NCOA6: variants seen among roughly 807,000 people sequenced by gnomAD.
NCOA6 encodes nuclear receptor coactivator 6, also known as NRC RAP250.
NCOA6 carries 49 observed loss-of-function variants against 171.4 expected under a neutral mutation model. The ratio of observed to expected loss-of-function variants is 0.29; its 90% confidence interval spans 0.23 to 0.36. The LOEUF is 0.36. Ranked by LOEUF, NCOA6 falls within the 10% of genes least tolerant of loss-of-function variation. NCOA6 has a pLI of 1.00. For synonymous variants in NCOA6, 910 were observed against 927.5 expected, an observed-to-expected ratio of 0.98 and a Z score of 0.34; for missense variants, 2,248 against 2,554.5, an observed-to-expected ratio of 0.88 and a Z score of 2.59.
At chr20:34,722,066 A>AG (rs1989425431) in intron 14 of NCOA6, among the ~76,000 whole-genome samples, 1 of 143,778 alleles carries the variant, frequency 7.0e-6, no homozygotes, top group South Asian at 2.2e-4. Flanking sequence ...AAAAAAAAAA[A>AG]AAAAAAAAAA....
At chr20:34,796,982 C>G (rs1156620511) in intron 1 of NCOA6, among the ~76,000 whole-genome samples, 1 of 152,130 alleles carries the variant, frequency 6.6e-6, no homozygotes, top group African/African-American at 2.4e-5. Context: ...TAAATAAAAC[C>G]TCTTAAACGC....
intron 8 of NCOA6, among the ~76,000 whole-genome samples, chr20:34,754,320 T>TTTGG (rs2076580928): frequency 6.6e-6 from 1 of 152,254 alleles, no homozygotes; most frequent in Non-Finnish European, 1.5e-5. Context: ...TGCTGGTCTG[T>TTTGG]AAATAAACAA....
intron 4 of NCOA6, 152 bp downstream of exon 4, chr20:34,776,141 A>G: frequency 1.1e-6 from 1 of 938,584 alleles, no homozygotes; most frequent in Non-Finnish European, 1.6e-6. Flanking sequence ...TCTTCATCCT[A>G]AGGTGCTGCA....
chr20:34,791,087 T>C (rs909898999), intron 2 of NCOA6, among the ~76,000 whole-genome samples: 1 of 152,166 alleles, frequency 6.6e-6, no homozygotes, highest in African/African-American at 2.4e-5. Flanking sequence ...GTGACAGACA[T>C]GTTTTGGAAC....
Position 34,749,493 on chromosome 20 carries a change from C to T in NCOA6, c.2702G>A (p.Gly901Glu). Residue 901 changes from glycine to glutamate, a missense_variant, in exon 9 of 15, where the codon GGG (glycine) becomes GAG (glutamate). By Grantham distance (98) the Gly-to-Glu change is moderately conservative. Transcript: ENST00000359003. ...GGTATTATTTTGCTTATTGTTTACC[C>T]CAAAATGGCCTGCAGATATGTCACT... is the stretch of plus-strand genomic sequence containing the variant. ...LQSDISAGHF[G>E]VNNKQNNTNA... The T allele has an allele frequency of 6.2e-7, 1 of 1,614,092 alleles. No individual in the cohort carries two copies. The highest frequency in any genetic ancestry group is 8.5e-7 in the Non-Finnish European group (1 of 1,180,018).
chr20:34,762,401 G>C (rs1316030661), intron 5 of NCOA6, among the ~76,000 whole-genome samples: 1 of 151,976 alleles, frequency 6.6e-6, no homozygotes, highest in Non-Finnish European at 1.5e-5. Flanking sequence ...TTTTATCAGT[G>C]TTCATAATCC....
chr20:34,783,624 T>A (rs1407154612), intron 2 of NCOA6, among the ~76,000 whole-genome samples: 2 of 152,076 alleles, frequency 1.3e-5, no homozygotes, highest in African/African-American at 4.8e-5. Flanking sequence ...TAATACAACA[T>A]TGATTGATTG....
intron 10 of NCOA6, among the ~76,000 whole-genome samples, chr20:34,744,708 C>T (rs1173455259): frequency 6.6e-6 from 1 of 152,138 alleles, no homozygotes; most frequent in African/African-American, 2.4e-5. Context: ...GTAACTTCTT[C>T]ACCTTTATAA....
At chr20:34,717,351 A>G (rs1226183292) in intron 14 of NCOA6, among the ~76,000 whole-genome samples, 1 of 152,152 alleles carries the variant, frequency 6.6e-6, no homozygotes, top group Non-Finnish European at 1.5e-5. Context: ...TCGGGAGGCT[A>G]AGGCAGGAGA....
At chr20:34,755,700 T>C (rs77061315) in intron 7 of NCOA6, among the ~76,000 whole-genome samples, 2,075 of 152,314 alleles carry the variant, frequency 0.014, 44 homozygotes, top group African/African-American at 0.048. Flanking sequence ...CTAAACTCAC[T>C]TAAAAATTTA....
rs2076121944 is a variant in NCOA6, at chr20:34,740,962, T to C, written c.5294A>G (p.Glu1765Gly). Residue 1765 changes from glutamate (E) to glycine (G), a missense_variant, in exon 11 of 15, where the codon GAA (glutamate) becomes GGA (glycine). Physicochemically the swap from Glu to Gly is moderately conservative, Grantham distance 98. This residue lies in a region of NCOA6 where 884 missense variants were observed against 941.9 expected (regional missense o/e 0.94). Coordinates refer to ENST00000359003, the MANE Select transcript of NCOA6 (RefSeq NM_014071.5). ...AGGGCTAGCCTCATCTGGATTCAAT[T>C]CTTTCACTTGCTGCACAGGGGGATG... ...PSHPPVQQVK[E>G]LNPDEASPQV... is the part of the protein sequence containing the mutation. 10 of 1,614,176 alleles carry C rather than the reference T, an allele frequency of 6.2e-6. No homozygotes were observed. Among genetic ancestry groups the C allele is most frequent in the Non-Finnish European group, 8.5e-6 (10 of 1,180,046 alleles).
intron 1 of NCOA6, among the ~76,000 whole-genome samples, chr20:34,824,930 C>A (rs1225152486): frequency 6.6e-6 from 1 of 152,126 alleles, no homozygotes; most frequent in Non-Finnish European, 1.5e-5. Context: ...GCCCTGACAG[C>A]CTGAGCTTGG....
chr20:34,725,439 T>C (rs569582567), intron 14 of NCOA6, among the ~76,000 whole-genome samples: 1 of 152,300 alleles, frequency 6.6e-6, no homozygotes, highest in East Asian at 1.9e-4. Context: ...GAGCACTCCC[T>C]GCAGTAGCTG....
At chr20:34,765,439 C>CA (rs34605174) in intron 5 of NCOA6, among the ~76,000 whole-genome samples, 1,723 of 106,406 alleles carry the variant, frequency 0.016, 26 homozygotes, top group African/African-American at 0.044. Context: ...GAGTCCGTCT[C>CA]AAAAAAAAAA....
chr20:34,788,897 G>A (rs569581771), intron 2 of NCOA6, among the ~76,000 whole-genome samples: 3 of 152,206 alleles, frequency 2.0e-5, no homozygotes, highest in South Asian at 2.1e-4. Flanking sequence ...TGAACATAGC[G>A]CCATTGCATT....
chr20:34,776,805 G>C (rs2077338177), intron 3 of NCOA6: 1 of 464,952 alleles, frequency 2.2e-6, no homozygotes, highest in Non-Finnish European at 4.3e-6. Flanking sequence ...ATGGAGAAAG[G>C]ACCATAAGAA....
rs147324783 is a variant in NCOA6 at position 34,720,420 on chromosome 20, T to C, written c.6149-5055A>G. 3.7e-3 allele frequency among the ~76,000 whole-genome samples: 560 copies of C among 152,352 alleles called. 6 individuals carry two copies. The highest frequency in any genetic ancestry group is 0.017 in the Middle Eastern group (5 of 294). Reference sequence around the variant, plus strand: ...GGGCCTTCCTGGACTTGCCCAGAAATCATCCATCCCACCTGCTCTGATCTG... The same window carrying C: ...GGGCCTTCCTGGACTTGCCCAGAAACCATCCATCCCACCTGCTCTGATCTG... On this transcript the variant is annotated intron_variant, in intron 14 of 14. Transcript: ENST00000359003.
At chr20:34,793,196 G>A (rs545156083) in intron 1 of NCOA6, among the ~76,000 whole-genome samples, 1 of 152,186 alleles carries the variant, frequency 6.6e-6, no homozygotes, top group South Asian at 2.1e-4. Context: ...TTAAGCCTTA[G>A]AGCCCTCTCT....
chr20:34,743,035 C>T lies in NCOA6; in HGVS notation c.3221G>A (p.Gly1074Asp). 6.2e-7 allele frequency: 1 copy of T among 1,613,838 alleles called. No individual in the cohort carries two copies. Among genetic ancestry groups the T allele is most frequent in the Admixed American group, 1.7e-5 (1 of 60,012 alleles). The change falls in exon 11 of 15, where the codon GGC becomes GAC. Residue 1074 changes from glycine to aspartate, a missense_variant. Gly to Asp is a moderately conservative substitution (Grantham distance 94). Coordinates refer to ENST00000359003, the MANE Select transcript of NCOA6 (RefSeq NM_014071.5). Reference sequence around the variant, plus strand: ...CAGACTGACCATGACAGGCACACTGCCACTCTGTTGCATGGGCATTCTCTG... The same window carrying T: ...CAGACTGACCATGACAGGCACACTGTCACTCTGTTGCATGGGCATTCTCTG... ...DSQRMPMQQSGSVPVMVSLQG... is the reference protein window; with the variant it reads ...DSQRMPMQQSDSVPVMVSLQG...
Sources: allele counts gnomAD v4.1 joint callset (sites outside exome capture counted in the v4.1 genomes callset), GRCh38; gene constraint gnomAD v4.1.1; regional missense constraint gnomAD v4.1.1; transcripts MANE v1.5; gene names NCBI Gene and HGNC (gene_info 2026-07-23, HGNC 2026-07-21).